FGGY: variants seen among roughly 807,000 people sequenced by gnomAD.
FGGY encodes FGGY carbohydrate kinase domain-containing protein.
FGGY carries 72 observed loss-of-function variants against 71.3 expected under a neutral mutation model. That is an observed-to-expected ratio of 1.01 (90% confidence interval 0.84 to 1.23). FGGY has a LOEUF of 1.23. Among genes scored for constraint, FGGY ranks in the 50% most tolerant of loss-of-function variants. The pLI, the probability that FGGY is intolerant of heterozygous loss-of-function variation, is 0.00. For synonymous variants in FGGY, 251 were observed against 250.3 expected (o/e 1.00, Z -0.02); for missense variants, 668 against 682.3 (o/e 0.98, Z 0.23).
chr1:59,365,939 A>G (rs1418459093), intron 4 of FGGY, among the ~76,000 whole-genome samples: 1 of 152,212 alleles, frequency 6.6e-6, no homozygotes, highest in Non-Finnish European at 1.5e-5. Context: ...CTAAAGCTAC[A>G]CAGCTGTTAA....
At chr1:59,585,406 A>G (rs1238327980) in intron 8 of FGGY, among the ~76,000 whole-genome samples, 1 of 152,248 alleles carries the variant, frequency 6.6e-6, no homozygotes, top group Non-Finnish European at 1.5e-5. Context: ...CCTGACAGAA[A>G]CAAGAAATGG....
intron 9 of FGGY, among the ~76,000 whole-genome samples, chr1:59,619,201 C>T (rs1485165291): frequency 6.6e-6 from 1 of 151,918 alleles, no homozygotes; most frequent in Admixed American, 6.6e-5. Context: ...TTACGGAGTG[C>T]TTACTATATT....
intron 2 of FGGY, among the ~76,000 whole-genome samples, chr1:59,336,618 A>G (rs954401072): frequency 6.6e-6 from 1 of 151,670 alleles, no homozygotes; most frequent in African/African-American, 2.4e-5. Flanking sequence ...TGCATTAGGT[A>G]TTTGTCCAAT....
At chr1:59,322,714 G>C (rs1324186563) in intron 2 of FGGY, among the ~76,000 whole-genome samples, 2 of 152,194 alleles carry the variant, frequency 1.3e-5, no homozygotes, top group Non-Finnish European at 2.9e-5. Flanking sequence ...ATTGGATGCA[G>C]CCTGCTGGCT....
intron 6 of FGGY, among the ~76,000 whole-genome samples, chr1:59,472,608 T>C (rs1008773412): frequency 3.3e-5 from 5 of 152,342 alleles, no homozygotes; most frequent in Non-Finnish European, 7.3e-5. Flanking sequence ...AATACACCAA[T>C]TGGCACTCTG....
intron 5 of FGGY, among the ~76,000 whole-genome samples, chr1:59,424,558 TAAATA>T (rs1417591872): frequency 2.6e-5 from 4 of 151,952 alleles, no homozygotes; most frequent in African/African-American, 7.3e-5. Flanking sequence ...AAAAAATAAA[TAAATA>T]AAATAAAAGA....
At chr1:59,411,480 A>T (rs939896042) in intron 5 of FGGY, among the ~76,000 whole-genome samples, 1 of 152,212 alleles carries the variant, frequency 6.6e-6, no homozygotes, top group Non-Finnish European at 1.5e-5. Context: ...ATACTTTGAG[A>T]TTATGTATAA....
chr1:59,586,297 TG>T (rs1387362779), intron 8 of FGGY, among the ~76,000 whole-genome samples: 1 of 152,204 alleles, frequency 6.6e-6, no homozygotes, highest in African/African-American at 2.4e-5. Flanking sequence ...TAAGAAAATG[TG>T]GCAAATATAC....
At chr1:59,439,106 G>T (rs1299773663) in intron 5 of FGGY, among the ~76,000 whole-genome samples, 1 of 151,908 alleles carries the variant, frequency 6.6e-6, no homozygotes, top group Non-Finnish European at 1.5e-5. Context: ...ATTCTTTAAT[G>T]TTACTTATTA....
intron 14 of FGGY, among the ~76,000 whole-genome samples, chr1:59,757,133 G>A (rs985560432): frequency 3.3e-5 from 5 of 152,048 alleles, no homozygotes; most frequent in African/African-American, 7.2e-5. Context: ...GAGCTTTGTC[G>A]TGCTGTTGCT....
intron 9 of FGGY, 31 bp from the exon 10 acceptor site, chr1:59,625,957 A>G (rs778408132): frequency 6.4e-6 from 10 of 1,559,006 alleles, no homozygotes; most frequent in African/African-American, 1.4e-5. Flanking sequence ...TAAAGAAGCT[A>G]TAAAATTGAC....
intron 14 of FGGY, among the ~76,000 whole-genome samples, chr1:59,748,413 C>T (rs2098217898): frequency 6.6e-6 from 1 of 152,074 alleles, no homozygotes; most frequent in Non-Finnish European, 1.5e-5. Context: ...TGAAGAGAAC[C>T]TAAATCATAT....
At chr1:59,427,461 C>T (rs1420244587) in intron 5 of FGGY, among the ~76,000 whole-genome samples, 1 of 152,192 alleles carries the variant, frequency 6.6e-6, no homozygotes, top group Non-Finnish European at 1.5e-5. Context: ...GCCGTCTCCT[C>T]CTCAGCTGAA....
intron 15 of FGGY, among the ~76,000 whole-genome samples, chr1:59,759,356 A>G (rs1468914376): frequency 6.6e-6 from 1 of 152,188 alleles, no homozygotes. Context: ...GGGGAGCTCC[A>G]TGCAGGAAGG....
chr1:59,710,642 C>T (rs1257641796), intron 14 of FGGY, among the ~76,000 whole-genome samples: 1 of 152,072 alleles, frequency 6.6e-6, no homozygotes. Context: ...AGAATATGAA[C>T]AGACACTTTT....
intron 5 of FGGY, among the ~76,000 whole-genome samples, chr1:59,423,901 A>C (rs1193898747): frequency 6.6e-6 from 1 of 152,182 alleles, no homozygotes; most frequent in Non-Finnish European, 1.5e-5. Context: ...CTTTCTTAGC[A>C]CAACTCTACC....
At chr1:59,581,819 T>C (rs779451439) in intron 8 of FGGY, among the ~76,000 whole-genome samples, 2 of 150,156 alleles carry the variant, frequency 1.3e-5, no homozygotes, top group African/African-American at 5.0e-5. Flanking sequence ...TGTCTTTGAA[T>C]GTAACCCATG....
intron 5 of FGGY, among the ~76,000 whole-genome samples, chr1:59,401,675 T>C (rs1461324593): frequency 6.6e-6 from 1 of 152,248 alleles, no homozygotes; most frequent in African/African-American, 2.4e-5. Flanking sequence ...ACTCATGCTT[T>C]TAACTACTAT....
intron 14 of FGGY, among the ~76,000 whole-genome samples, chr1:59,697,092 GTCATGCT>G (rs1449019120): frequency 2.0e-5 from 3 of 152,148 alleles, no homozygotes; most frequent in Non-Finnish European, 2.9e-5. Context: ...AATGTTGAAG[GTCATGCT>G]TCATATTGTG....
Sources: allele counts gnomAD v4.1 joint callset (sites outside exome capture counted in the v4.1 genomes callset), GRCh38; gene constraint gnomAD v4.1.1; transcripts MANE v1.5; gene names NCBI Gene and HGNC (gene_info 2026-07-23, HGNC 2026-07-21).